The following FSTL5 variants were observed in gnomAD, a reference collection of about 807,000 sequenced individuals.
FSTL5 encodes follistatin like 5, also known as follistatin-related protein 5.
A neutral mutation model predicts 89.1 loss-of-function variants in FSTL5; 62 were observed. The observed-to-expected ratio is 0.70, with a 90% confidence interval of 0.57 to 0.86. FSTL5 has a LOEUF of 0.86. Ranked by LOEUF, FSTL5 falls within the 40% of genes least tolerant of loss-of-function variation. The pLI is 0.00. For missense variants in FSTL5, 1,057 were observed against 1,001.6 expected (o/e 1.06, Z -0.75); for synonymous variants, 383 against 346.2 (o/e 1.11, Z -1.18).
chr4:162,112,825 A>G (rs1194314753), intron 1 of FSTL5, among the ~76,000 whole-genome samples: 1 of 148,332 alleles, frequency 6.7e-6, no homozygotes, highest in Admixed American at 6.7e-5. Flanking sequence ...ACCAGTGGGC[A>G]TTCCTAATCC....
intron 3 of FSTL5, among the ~76,000 whole-genome samples, chr4:161,992,904 GTATATATA>G (rs755647924): frequency 0.64 from 38,868 of 61,178 alleles, 9,444 homozygotes; most frequent in Middle Eastern, 0.75. Context: ...ATATGTGTGT[GTATATATA>G]TATATATATA....
In FSTL5 at chr4:161,437,349, G is replaced by C. The variant is rs1228748127; in HGVS notation, c.1841+17655C>G. On this transcript the variant is annotated intron_variant, in intron 15 of 15. Coordinates refer to ENST00000306100, the MANE Select transcript of FSTL5 (RefSeq NM_020116.5). Reference sequence around the variant, plus strand: ...TGGGAGGCCGAGGCGGGCGGATTACGAGGTCAGGAGATCGAGACCATCCTG... The same window carrying C: ...TGGGAGGCCGAGGCGGGCGGATTACCAGGTCAGGAGATCGAGACCATCCTG... 2.0e-5 allele frequency among the ~76,000 whole-genome samples: 3 copies of C among 151,844 alleles called. No individual in the cohort carries two copies. In the East Asian group the frequency reaches 5.8e-4, roughly 30 times the overall value.
Position 161,615,300 on chromosome 4 carries a change from A to C in FSTL5, c.895-27725T>G, listed in dbSNP as rs879426285. ...CAGAGGGAGACTCTGTCTCAAAAAA[A>C]AAAAAAAAAAAAAAAATTAGCTGGG... On this transcript the variant is annotated intron_variant, in intron 7 of 15. Coordinates refer to ENST00000306100, the MANE Select transcript of FSTL5 (RefSeq NM_020116.5). Among the ~76,000 whole-genome samples, 1,090 of 141,052 alleles carry C rather than the reference A, an allele frequency of 7.7e-3. 18 individuals carry two copies. Among genetic ancestry groups the C allele is most frequent in the Non-Finnish European group, 0.013 (865 of 64,420 alleles). The allele number at this position is 141,052 out of a possible 152,430, so 92.5% of individuals were successfully genotyped here.
At chr4:161,477,463 A>C (rs1483580629) in intron 13 of FSTL5, among the ~76,000 whole-genome samples, 1 of 150,598 alleles carries the variant, frequency 6.6e-6, no homozygotes, top group Non-Finnish European at 1.5e-5. Context: ...TGCAATTATT[A>C]TTCATTTTGA....
intron 6 of FSTL5, among the ~76,000 whole-genome samples, chr4:161,697,256 AC>A (rs1433366288): frequency 2.0e-5 from 3 of 152,094 alleles, no homozygotes; most frequent in African/African-American, 7.2e-5. Context: ...AATTTACCAG[AC>A]TTTTTTTGTC....
chr4:161,916,075 G>T (rs764231739), intron 4 of FSTL5, among the ~76,000 whole-genome samples: 8 of 151,898 alleles, frequency 5.3e-5, no homozygotes, highest in African/African-American at 1.9e-4. Flanking sequence ...TAATACAAAA[G>T]TCTGTTCAGA....
At chr4:161,557,787 A>C (rs539171716) in intron 8 of FSTL5, among the ~76,000 whole-genome samples, 49 of 151,870 alleles carry the variant, frequency 3.2e-4, no homozygotes, top group African/African-American at 1.1e-3. Flanking sequence ...TATATTGCCC[A>C]AAAATAAATC....
rs550538282 is a variant in FSTL5 at position 161,599,851 on chromosome 4, T to C, written c.895-12276A>G. 2.8e-4 allele frequency among the ~76,000 whole-genome samples: 42 copies of C among 152,222 alleles called. 1 individual carries two copies. The highest frequency in any genetic ancestry group is 1.0e-3 in the African/African-American group (42 of 41,562). ...TAATTTGTATTCTTTCTCCAAAATA[T>C]AGGTGTCATTGTGCACATGTACTCC... On this transcript the variant is annotated intron_variant, in intron 7 of 15. Transcript: ENST00000306100.
At chr4:161,460,348 CATTTACAT>C (rs1733517093) in intron 13 of FSTL5, among the ~76,000 whole-genome samples, 6 of 138,722 alleles carry the variant, frequency 4.3e-5, no homozygotes, top group Non-Finnish European at 4.7e-5. Flanking sequence ...GTTAACTTGT[CATTTACAT>C]TAGGTGTATC....
chr4:161,990,694 G>T (rs2111075081), intron 3 of FSTL5, among the ~76,000 whole-genome samples: 1 of 152,076 alleles, frequency 6.6e-6, no homozygotes, highest in South Asian at 2.1e-4. Context: ...AGGATATTTG[G>T]CATTTATATT....
At chr4:161,536,396 G>T (rs1008443434) in intron 10 of FSTL5, among the ~76,000 whole-genome samples, 2 of 152,114 alleles carry the variant, frequency 1.3e-5, no homozygotes, top group African/African-American at 4.8e-5. Flanking sequence ...ACAAAAGGCA[G>T]TAATTTTCAC....
chr4:161,455,181 T>A (rs914970740), intron 14 of FSTL5, 53 bp from the exon 15 acceptor site: 4 of 1,410,584 alleles, frequency 2.8e-6, no homozygotes, highest in Admixed American at 2.6e-5. Context: ...CTTCATAGTA[T>A]AAGCTTTAAT....
intron 6 of FSTL5, among the ~76,000 whole-genome samples, chr4:161,758,798 A>T (rs1245485918): frequency 2.0e-5 from 3 of 152,204 alleles, no homozygotes; most frequent in Non-Finnish European, 4.4e-5. Context: ...GATTACAGGC[A>T]TAAGGCACCC....
intron 15 of FSTL5, among the ~76,000 whole-genome samples, chr4:161,402,174 C>G (rs571307371): frequency 2.0e-5 from 3 of 152,208 alleles, no homozygotes; most frequent in Admixed American, 2.0e-4. Flanking sequence ...AAATGAAACA[C>G]AAACGCACAC....
chr4:161,409,428 G>A lies in FSTL5; in HGVS notation c.1842-22979C>T, dbSNP rs28793425. 6.2e-3 allele frequency among the ~76,000 whole-genome samples: 944 copies of A among 151,906 alleles called. 5 individuals carry two copies. The highest frequency in any genetic ancestry group is 0.021 in the African/African-American group (866 of 41,398). ...AGATGGAGTCTTGCTCTGTCACTAG[G>A]TGGAGTCCAGTGGCGTGATCTTGGC... is the stretch of plus-strand genomic sequence containing the variant. On this transcript the variant is annotated intron_variant, in intron 15 of 15. Transcript: ENST00000306100.
intron 8 of FSTL5, among the ~76,000 whole-genome samples, chr4:161,556,846 GTA>G (rs561942481): frequency 0.031 from 4,433 of 142,532 alleles, 196 homozygotes; most frequent in African/African-American, 0.096. Context: ...GTGTGTGTGT[GTA>G]TATATATATA....
chr4:161,969,006 TC>T (rs1735407236), intron 3 of FSTL5, among the ~76,000 whole-genome samples: 1 of 151,098 alleles, frequency 6.6e-6, no homozygotes, highest in African/African-American at 2.4e-5. Context: ...CAAGGCCTTG[TC>T]CCTATTCAAA....
chr4:161,504,215 T>C (rs1412310926), intron 11 of FSTL5, among the ~76,000 whole-genome samples: 1 of 151,984 alleles, frequency 6.6e-6, no homozygotes, highest in African/African-American at 2.4e-5. Flanking sequence ...TAAAAATTTC[T>C]ATTTCCATTT....
intron 3 of FSTL5, among the ~76,000 whole-genome samples, chr4:161,927,094 A>G (rs1389459104): frequency 2.0e-5 from 3 of 151,866 alleles, no homozygotes; most frequent in East Asian, 1.9e-4. Flanking sequence ...CTCAGAAAAA[A>G]GTGATTTTTT....
Sources: gnomAD v4.1 joint callset for allele counts (sites outside exome capture counted in the v4.1 genomes callset) on GRCh38, gnomAD v4.1.1 for gene constraint, MANE v1.5 for transcripts, NCBI Gene and HGNC (gene_info 2026-07-23, HGNC 2026-07-21) for gene names.